GLDC: variants seen among roughly 807,000 people sequenced by gnomAD.
GLDC encodes the protein glycine dehydrogenase (decarboxylating), mitochondrial.
In GLDC, 104 loss-of-function variants were observed where a neutral mutation model predicts 121.3. The ratio of observed to expected loss-of-function variants is 0.86; its 90% CI spans 0.73 to 1.01. The LOEUF is 1.01. GLDC is among the 50% of genes least tolerant of loss of function. The pLI is 0.00. For missense variants in GLDC, 1,429 were observed against 1,306.6 expected (o/e 1.09, Z -1.44); for synonymous variants, 546 against 480.6 (o/e 1.14, Z -1.78).
chr9:6,534,887 C>T (rs2129645990), intron 23 of GLDC, 99 bp from the exon 24 acceptor site: 2 of 726,570 alleles, frequency 2.8e-6, no homozygotes, highest in Non-Finnish European at 2.6e-6. Context: ...GGAGCCCAGG[C>T]AGAGAAAGCT....
chr9:6,551,940 T>G (rs1364082471), intron 20 of GLDC, among the ~76,000 whole-genome samples: 1 of 152,176 alleles, frequency 6.6e-6, no homozygotes, highest in Non-Finnish European at 1.5e-5. Flanking sequence ...TGCAGACGGC[T>G]TAAGTCCAAC....
intron 15 of GLDC, among the ~76,000 whole-genome samples, chr9:6,569,513 G>A (rs1817913090): frequency 6.6e-6 from 1 of 152,066 alleles, no homozygotes; most frequent in African/African-American, 2.4e-5. Flanking sequence ...TTAGCTGGGT[G>A]TGGTGGTGGG....
intron 8 of GLDC, among the ~76,000 whole-genome samples, chr9:6,601,285 C>A (rs974365730): frequency 2.6e-5 from 4 of 152,200 alleles, no homozygotes; most frequent in African/African-American, 2.4e-5. Context: ...CCTTCCTCAA[C>A]CCATTCCTGG....
intron 21 of GLDC, chr9:6,540,526 T>G: frequency 4.3e-6 from 1 of 232,682 alleles, no homozygotes; most frequent in South Asian, 6.5e-5. Context: ...TCCTGATCCT[T>G]TTATACAAAA....
chr9:6,635,882 AT>A (rs1165176317), intron 2 of GLDC, among the ~76,000 whole-genome samples: 3 of 152,114 alleles, frequency 2.0e-5, no homozygotes, highest in Non-Finnish European at 4.4e-5. Flanking sequence ...CTCAAATAAA[AT>A]AAATAAAATA....
intron 15 of GLDC, chr9:6,567,212 C>G (rs1817871904): frequency 6.6e-6 from 1 of 152,210 alleles, no homozygotes; most frequent in African/African-American, 2.4e-5. Flanking sequence ...GTCACCCGCA[C>G]TGAGTCAGCT....
Position 6,577,341 on chromosome 9 carries a change from G to C in GLDC, c.1850+9800C>G, listed in dbSNP as rs546870908. ...CTACCTCACTGTATTTATTAGGATA[G>C]AGGTGCCGCTAGGGCAGATGGAGGT... On this transcript the variant is annotated intron_variant, in intron 15 of 24. Transcript: ENST00000321612. Among the ~76,000 whole-genome samples, 4 of 152,350 alleles carry C rather than the reference G, an allele frequency of 2.6e-5. No homozygotes were observed. The East Asian group carries it at 7.7e-4, about 29-fold the overall frequency.
chr9:6,552,927 T>C (rs1423048151), intron 20 of GLDC, among the ~76,000 whole-genome samples: 3 of 145,236 alleles, frequency 2.1e-5, no homozygotes, highest in Non-Finnish European at 4.5e-5. Flanking sequence ...TCTTCTCCTC[T>C]GGCCCCCCCC....
chr9:6,602,708 A>G lies in GLDC; in HGVS notation c.1059-503T>C, dbSNP rs139472928. Reference sequence around the variant, plus strand: ...ACACCAAGATATATACAATAAGTCTAGGAATTTTGAAAGAAAATTTTGCAG... The same window carrying G: ...ACACCAAGATATATACAATAAGTCTGGGAATTTTGAAAGAAAATTTTGCAG... On this transcript the variant is annotated intron_variant, in intron 7 of 24. Coordinates refer to ENST00000321612, the MANE Select transcript of GLDC (RefSeq NM_000170.3). 5.3e-5 allele frequency among the ~76,000 whole-genome samples: 8 copies of G among 152,310 alleles called. No homozygotes were observed. In the East Asian group the frequency reaches 1.5e-3, roughly 29 times the overall value.
chr9:6,553,141 A>G (rs563314215), intron 20 of GLDC, among the ~76,000 whole-genome samples: 275 of 152,242 alleles, frequency 1.8e-3, no homozygotes, highest in Non-Finnish European at 3.0e-3. Flanking sequence ...TGTTAAACCC[A>G]CTCTGAGAAC....
At chr9:6,644,745 C>T (rs1448894609) in intron 1 of GLDC, 53 bp from the exon 2 acceptor site, 8 of 1,255,980 alleles carry the variant, frequency 6.4e-6, no homozygotes, top group Non-Finnish European at 9.4e-6. Context: ...AAAGAGTCAC[C>T]TCTGTGTTTT....
chr9:6,635,297 T>C (rs1587982972), intron 2 of GLDC, among the ~76,000 whole-genome samples: 1 of 152,314 alleles, frequency 6.6e-6, no homozygotes, highest in East Asian at 1.9e-4. Context: ...TGGAGGAAGC[T>C]GTAGAAGGAG....
chr9:6,546,871 A>T (rs1191727852), intron 21 of GLDC, among the ~76,000 whole-genome samples: 1 of 152,038 alleles, frequency 6.6e-6, no homozygotes, highest in Admixed American at 6.6e-5. Context: ...CTGAGGCAGG[A>T]GAATCGCTTG....
intron 17 of GLDC, among the ~76,000 whole-genome samples, chr9:6,557,366 C>G (rs113308101): frequency 6.6e-6 from 1 of 152,178 alleles, no homozygotes; most frequent in East Asian, 1.9e-4. Flanking sequence ...GAGGCTGAGG[C>G]GGGCGGATCA....
chr9:6,579,031 T>C (rs1434868019), intron 15 of GLDC, among the ~76,000 whole-genome samples: 3 of 152,234 alleles, frequency 2.0e-5, no homozygotes, highest in African/African-American at 7.2e-5. Flanking sequence ...ATCATTTATT[T>C]CTCTATGTTT....
Position 6,533,000 on chromosome 9 carries a change from A to G in GLDC, c.*17T>C, listed in dbSNP as rs765894083. The G allele has an allele frequency of 6.3e-7, 1 of 1,581,734 alleles. No homozygotes were observed. The highest frequency in any genetic ancestry group is 8.7e-7 in the Non-Finnish European group (1 of 1,151,734). Reference sequence around the variant, plus strand: ...GGAGAGGCATCAAATCAGTCCTTTAAACTTAGGGACAGAGGACTAAGAAGA... The same window carrying G: ...GGAGAGGCATCAAATCAGTCCTTTAGACTTAGGGACAGAGGACTAAGAAGA... On this transcript the variant is annotated 3_prime_UTR_variant, in exon 25 of 25. Coordinates refer to ENST00000321612, the MANE Select transcript of GLDC (RefSeq NM_000170.3).
At position 6,556,319 on chromosome 9, in the gene GLDC, G is replaced by A; in HGVS notation, c.2053-17C>T. 6.2e-7 allele frequency: 1 copy of A among 1,609,236 alleles called. No individual in the cohort carries two copies. Among genetic ancestry groups the A allele is most frequent in the Non-Finnish European group, 8.5e-7 (1 of 1,175,520 alleles). ...CTTATCCACCTGTGAAAGAAAAGGG[G>A]TAGAGAAGGACATGGAGGGAGGATA... On this transcript the variant is annotated splice_polypyrimidine_tract_variant and intron_variant, in intron 17 of 24. Coordinates refer to ENST00000321612, the MANE Select transcript of GLDC (RefSeq NM_000170.3).
At chr9:6,644,029 C>CAAAAAAAAAAAAAAAAAA in intron 2 of GLDC, among the ~76,000 whole-genome samples, 1 of 18,336 alleles carries the variant, frequency 5.5e-5, no homozygotes, top group Non-Finnish European at 9.8e-5. Flanking sequence ...GATTCTGTCT[C>CAAAAAAAAAAAAAAAAAA]AAAAAAAAAA....
chr9:6,561,398 C>T (rs1263439428), intron 16 of GLDC, among the ~76,000 whole-genome samples: 1 of 152,136 alleles, frequency 6.6e-6, no homozygotes, highest in Admixed American at 6.5e-5. Context: ...TCTGTAATCC[C>T]AGCACTTTGG....
Sources: gnomAD v4.1 joint callset for allele counts (sites outside exome capture counted in the v4.1 genomes callset) on GRCh38, gnomAD v4.1.1 for gene constraint, MANE v1.5 for transcripts, NCBI Gene and HGNC (gene_info 2026-07-23, HGNC 2026-07-21) for gene names.